The following DOCK9 variants were observed in gnomAD, a reference collection of about 807,000 sequenced individuals.
DOCK9 encodes dedicator of cytokinesis protein 9.
A neutral mutation model predicts 263.3 loss-of-function variants in DOCK9; 89 were observed. That is an observed-to-expected ratio of 0.34 (90% CI 0.28 to 0.40). The LOEUF (loss-of-function observed/expected upper bound fraction) is 0.40, where lower values mean the gene tolerates loss of function less well. Among genes scored for constraint, DOCK9 ranks in the 10% least tolerant of loss-of-function variants. DOCK9 has a pLI of 1.00. For synonymous variants in DOCK9, 976 were observed against 973.1 expected (o/e 1.00, Z -0.06); for missense variants, 2,140 against 2,603.4 (o/e 0.82, Z 3.87).
chr13:98,973,007 G>A (rs1407752749), intron 1 of DOCK9, among the ~76,000 whole-genome samples: 1 of 152,198 alleles, frequency 6.6e-6, no homozygotes, highest in South Asian at 2.1e-4. Flanking sequence ...TAGTGAAGGT[G>A]TATGGCTTTG....
At chr13:98,895,469 A>C (rs2047280521) in intron 15 of DOCK9, among the ~76,000 whole-genome samples, 1 of 152,178 alleles carries the variant, frequency 6.6e-6, no homozygotes, top group African/African-American at 2.4e-5. Flanking sequence ...GTTTGAGATC[A>C]GCCTGGCCAA....
At chr13:98,901,173 C>T (rs1221991103) in intron 13 of DOCK9, among the ~76,000 whole-genome samples, 1 of 152,230 alleles carries the variant, frequency 6.6e-6, no homozygotes, top group African/African-American at 2.4e-5. Flanking sequence ...TATGAAAGCA[C>T]ATCTTGGACT....
chr13:98,923,064 T>C (rs2052331726), intron 5 of DOCK9, among the ~76,000 whole-genome samples: 1 of 152,196 alleles, frequency 6.6e-6, no homozygotes, highest in African/African-American at 2.4e-5. Context: ...TCTTTGAAAA[T>C]GATCTCAGAA....
At chr13:98,863,640 C>T (rs1409117514) in intron 30 of DOCK9, 92 bp from the exon 31 acceptor site, 5 of 1,334,160 alleles carry the variant, frequency 3.7e-6, no homozygotes, top group Non-Finnish European at 5.1e-6. Context: ...AACTAAGACC[C>T]ATCCTCTGCA....
intron 1 of DOCK9, among the ~76,000 whole-genome samples, chr13:98,986,628 G>C (rs141341412): frequency 1.6e-3 from 246 of 152,318 alleles, no homozygotes; most frequent in East Asian, 5.0e-3. Flanking sequence ...CAGCAAAGAT[G>C]ATGTATCCCT....
intron 1 of DOCK9, among the ~76,000 whole-genome samples, chr13:99,006,919 C>T (rs7329365): frequency 1.1e-4 from 17 of 151,628 alleles, no homozygotes; most frequent in African/African-American, 2.4e-4. Flanking sequence ...GGTGAAAACC[C>T]GTCTCTATAA....
intron 22 of DOCK9, 55 bp downstream of exon 22, chr13:98,883,758 G>T: frequency 1.7e-6 from 2 of 1,203,900 alleles, no homozygotes; most frequent in Admixed American, 2.6e-5. Flanking sequence ...CTTGCAAAAT[G>T]GTGCAAACTT....
chr13:98,946,176 G>C (rs2056679669), intron 2 of DOCK9, among the ~76,000 whole-genome samples: 1 of 152,142 alleles, frequency 6.6e-6, no homozygotes, highest in Admixed American at 6.5e-5. Context: ...GCCTTTGCTG[G>C]GGGATTCTGA....
At chr13:99,016,279 A>T (rs753562712) in intron 1 of DOCK9, among the ~76,000 whole-genome samples, 1 of 152,188 alleles carries the variant, frequency 6.6e-6, no homozygotes, top group Admixed American at 6.5e-5. Flanking sequence ...ACTTCAAACA[A>T]TCTTTTGCAC....
At position 98,809,530 on chromosome 13, in the gene DOCK9, A is replaced by T. The variant is rs889785748; in HGVS notation, c.5254-65T>A. On this transcript the variant is annotated intron_variant, in intron 46 of 52. Coordinates refer to ENST00000682017, the MANE Select transcript of DOCK9 (RefSeq NM_001366683.2). Reference sequence around the variant, plus strand: ...AGAGGAGAATCGATTTTAAAATAACAAATGTGATAATGGAGGTGAAAAGTC... The same window carrying T: ...AGAGGAGAATCGATTTTAAAATAACTAATGTGATAATGGAGGTGAAAAGTC... 4 of 1,349,900 alleles carry T rather than the reference A, an allele frequency of 3.0e-6. No homozygotes were observed. In the Admixed American group the frequency reaches 9.2e-5, roughly 31 times the overall value. The allele number at this position is 1,349,900 out of a possible 1,614,324, so 83.6% of individuals were successfully genotyped here.
In DOCK9 at chr13:98,896,298, G is replaced by C. The variant is rs768546766; in HGVS notation, c.1709+1190C>G. 9.7e-4 allele frequency among the ~76,000 whole-genome samples: 148 copies of C among 152,144 alleles called. 1 individual carries two copies. The highest frequency in any genetic ancestry group is 1.9e-3 in the Non-Finnish European group (130 of 68,024). Reference sequence around the variant, plus strand: ...AAGGCTGAAGCCGCCTGCTGACATGGACGTGATTGGATTCTGATTAGGAAC... The same window carrying C: ...AAGGCTGAAGCCGCCTGCTGACATGCACGTGATTGGATTCTGATTAGGAAC... On this transcript the variant is annotated intron_variant, in intron 15 of 52. Coordinates refer to ENST00000682017, the MANE Select transcript of DOCK9 (RefSeq NM_001366683.2).
At chr13:99,054,636 C>T (rs558205655) in intron 1 of DOCK9, among the ~76,000 whole-genome samples, 3 of 152,362 alleles carry the variant, frequency 2.0e-5, no homozygotes, top group African/African-American at 4.8e-5. Context: ...TCCATTGCTA[C>T]TGCCCTGCCT....
rs778828033 is a variant in DOCK9 at position 98,902,437 on chromosome 13, T to C, written c.1231A>G (p.Ile411Val). 4 of 1,613,998 alleles carry C rather than the reference T, an allele frequency of 2.5e-6. No individual in the cohort carries two copies. The highest frequency in any genetic ancestry group is 3.4e-6 in the Non-Finnish European group (4 of 1,179,884). ...AGGTCTACGTGGAAATCGGCAGAAA[T>C]CTTCCGGTTGTATTTTATGTCAAAC... The part of the protein sequence containing the change: ...SLFDIKYNRK[I>V]SADFHVDLNH... The change falls in exon 12 of 53, where the codon ATT (isoleucine) becomes GTT (valine). Residue 411 changes from isoleucine to valine, a missense_variant. Ile to Val is a conservative substitution (Grantham distance 29). Around this residue, in one of 2 missense-constraint regions of DOCK9, gnomAD observed 1,521 missense variants for 1,741.7 expected, o/e 0.87. Transcript: ENST00000682017.
intron 1 of DOCK9, among the ~76,000 whole-genome samples, chr13:99,005,280 AAT>A (rs1424843465): frequency 2.0e-5 from 3 of 152,218 alleles, no homozygotes; most frequent in Non-Finnish European, 4.4e-5. Flanking sequence ...AATCTTAACC[AAT>A]ATGTCTCATA....
intron 45 of DOCK9, among the ~76,000 whole-genome samples, chr13:98,822,344 T>C (rs1034113309): frequency 2.6e-5 from 4 of 152,196 alleles, no homozygotes; most frequent in Non-Finnish European, 4.4e-5. Flanking sequence ...ATAATAACTA[T>C]CTCAGCCTGT....
chr13:98,925,080 C>T (rs1366333871), intron 4 of DOCK9, among the ~76,000 whole-genome samples: 1 of 152,010 alleles, frequency 6.6e-6, no homozygotes, highest in Non-Finnish European at 1.5e-5. Flanking sequence ...GGGAGAGTTG[C>T]TTGAACTTGG....
intron 1 of DOCK9, among the ~76,000 whole-genome samples, chr13:99,066,805 T>A (rs1054318560): frequency 8.5e-5 from 13 of 152,148 alleles, no homozygotes; most frequent in Non-Finnish European, 1.5e-5. Flanking sequence ...CCATCCCATC[T>A]CTCTAGCCTG....
Position 98,794,768 on chromosome 13 carries a change from C to A in DOCK9, c.6157-20G>T, listed in dbSNP as rs781200040. ...GCAGATCTTGAGGACAGAAACACAA[C>A]GTTACTGAGGGCAACACAAGGTTAC... On this transcript the variant is annotated intron_variant, in intron 52 of 52. Coordinates refer to ENST00000682017, the MANE Select transcript of DOCK9 (RefSeq NM_001366683.2). 1.9e-6 allele frequency: 3 copies of A among 1,613,356 alleles called. No homozygotes were observed. The highest frequency in any genetic ancestry group is 1.7e-6 in the Non-Finnish European group (2 of 1,179,526).
intron 1 of DOCK9, among the ~76,000 whole-genome samples, chr13:98,990,568 A>T (rs1271839588): frequency 6.6e-6 from 1 of 152,246 alleles, no homozygotes; most frequent in Non-Finnish European, 1.5e-5. Flanking sequence ...AGACTTCTAG[A>T]TTAATTGCAA....
Sources: gnomAD v4.1 joint callset for allele counts (sites outside exome capture counted in the v4.1 genomes callset) on GRCh38, gnomAD v4.1.1 for gene constraint, gnomAD v4.1.1 regional missense constraint, MANE v1.5 for transcripts, NCBI Gene and HGNC (gene_info 2026-07-23, HGNC 2026-07-21) for gene names.